Variants in TTC13 observed in about 807,000 individuals in gnomAD.
TTC13 encodes the protein tetratricopeptide repeat protein 13.
In TTC13, 62 loss-of-function variants were observed where a neutral mutation model predicts 120.0. The ratio of observed to expected loss-of-function variants is 0.52; its 90% CI spans 0.42 to 0.64. The LOEUF (loss-of-function observed/expected upper bound fraction) is 0.64. Ranked by LOEUF, TTC13 falls within the 30% of genes least tolerant of loss-of-function variation. TTC13 has a pLI of 0.00. For synonymous variants in TTC13, 384 were observed against 393.5 expected (o/e 0.98, Z 0.28); for missense variants, 824 against 1,050.2 (o/e 0.78, Z 2.98).
intron 4 of TTC13, among the ~76,000 whole-genome samples, chr1:230,949,509 G>A (rs1028097532): frequency 6.7e-6 from 1 of 150,106 alleles, no homozygotes; most frequent in African/African-American, 2.5e-5. Flanking sequence ...GATTGGATGT[G>A]TGCCCCACAC....
intron 1 of TTC13, among the ~76,000 whole-genome samples, chr1:230,965,990 T>C (rs1229679910): frequency 6.6e-6 from 1 of 152,200 alleles, no homozygotes; most frequent in Non-Finnish European, 1.5e-5. Context: ...TAGGATTATA[T>C]ATCACTTTTC....
intron 12 of TTC13, among the ~76,000 whole-genome samples, chr1:230,928,713 G>A (rs113709640): frequency 7.9e-5 from 12 of 152,266 alleles, no homozygotes; most frequent in African/African-American, 2.2e-4. Context: ...TGCTATAGGT[G>A]TTTTTTGTTT....
chr1:230,963,153 C>T (rs1676801272), intron 1 of TTC13, among the ~76,000 whole-genome samples: 1 of 152,142 alleles, frequency 6.6e-6, no homozygotes, highest in African/African-American at 2.4e-5. Flanking sequence ...AAGGAACCAT[C>T]TGAGGGAGAG....
At chr1:230,950,231 A>G (rs550213152) in intron 4 of TTC13, among the ~76,000 whole-genome samples, 1 of 152,108 alleles carries the variant, frequency 6.6e-6, no homozygotes, top group African/African-American at 2.4e-5. Context: ...CAATTTTTCA[A>G]AATATTTTTA....
At chr1:230,943,579 C>G (rs1674715858) in intron 6 of TTC13, among the ~76,000 whole-genome samples, 1 of 152,024 alleles carries the variant, frequency 6.6e-6, no homozygotes, top group African/African-American at 2.4e-5. Context: ...ATATTTTCAA[C>G]CACATATTTT....
intron 1 of TTC13, among the ~76,000 whole-genome samples, chr1:230,971,236 C>T (rs34136045): frequency 0.23 from 34,280 of 150,156 alleles, 4,221 homozygotes; most frequent in Non-Finnish European, 0.28. Context: ...GTCCCAGCTA[C>T]TCGGGAGGCT....
At chr1:230,935,045 A>G (rs981151151) in intron 8 of TTC13, among the ~76,000 whole-genome samples, 1 of 152,244 alleles carries the variant, frequency 6.6e-6, no homozygotes, top group African/African-American at 2.4e-5. Context: ...ATGGGATGAC[A>G]ATCTACTAAT....
At chr1:230,943,701 G>C in intron 6 of TTC13, 105 bp downstream of exon 6, 1 of 833,726 alleles carries the variant, frequency 1.2e-6, no homozygotes, top group Non-Finnish European at 1.8e-6. Context: ...AAAAACATAA[G>C]AGTTTTAAGG....
Position 230,916,225 on chromosome 1 carries a change from A to T in TTC13, c.2061T>A (p.Tyr687Ter). The change falls in exon 18 of 23, where the codon TAT (tyrosine) becomes TAA (stop). Residue 687 changes from tyrosine to a stop codon, truncating the protein, a stop_gained. Coordinates refer to ENST00000366661, the MANE Select transcript of TTC13 (RefSeq NM_024525.5). LOFTEE classifies it high-confidence loss of function. ...CTGTAATCGTGATTGTGAATCCATC[A>T]TATTCCTTCCCTTGGTCTTTAAGGC... ...VPSLKDQGKE[Y>*]DGFTITITGD... The T allele has an allele frequency of 6.2e-7, 1 of 1,614,054 alleles. No individual in the cohort carries two copies. The highest frequency in any genetic ancestry group is 8.5e-7 in the Non-Finnish European group (1 of 1,179,948).
In TTC13 at chr1:230,939,375, A is replaced by G; in HGVS notation, c.900+11T>C. On this transcript the variant is annotated intron_variant, in intron 8 of 22. Transcript: ENST00000366661. ...GTCATCATATGGTACACATATGCAC[A>G]ACACTTTCACCTTCAGAAGTCCTCT... 6.4e-7 allele frequency: 1 copy of G among 1,571,246 alleles called. No homozygotes were observed. The highest frequency in any genetic ancestry group is 8.7e-7 in the Non-Finnish European group (1 of 1,143,074).
At chr1:230,938,372 G>T (rs927005060) in intron 8 of TTC13, among the ~76,000 whole-genome samples, 1 of 152,146 alleles carries the variant, frequency 6.6e-6, no homozygotes, top group Admixed American at 6.5e-5. Flanking sequence ...GCAGCTCCCC[G>T]TCAGGTTCCA....
rs974964861 is a variant in TTC13 at position 230,978,692 on chromosome 1, C to T, written c.139G>A (p.Glu47Lys). The T allele has an allele frequency of 5.8e-5, 87 of 1,494,640 alleles. No individual in the cohort carries two copies. The East Asian group carries it at 8.9e-4, about 15-fold the overall frequency. 92.6% of individuals were successfully genotyped at this position (1,494,640 alleles called of 1,614,324 possible). ...AGCAGGGAGAGCGGCGAGTAGTGCT[C>T]GGTGGCCAGGGCGCCTGGCCGCAGC... ...AGLRPGALAT[E>K]HYSPLSLLKQ... The change falls in exon 1 of 23, where the codon GAG (glutamate) becomes AAG (lysine). Residue 47 changes from glutamate to lysine, a missense_variant. Coordinates refer to ENST00000366661, the MANE Select transcript of TTC13 (RefSeq NM_024525.5). The surrounding 1 kb of genome is among the most constrained non-coding windows in gnomAD (Gnocchi z 5.6).
chr1:230,954,252 T>TA (rs1484842353), intron 4 of TTC13, 81 bp downstream of exon 4: 6 of 957,118 alleles, frequency 6.3e-6, no homozygotes, highest in Non-Finnish European at 8.2e-6. Flanking sequence ...CATGTCGTAT[T>TA]ACAGCACTTC....
intron 18 of TTC13, among the ~76,000 whole-genome samples, chr1:230,914,890 T>A (rs1671868889): frequency 6.6e-6 from 1 of 152,142 alleles, no homozygotes; most frequent in African/African-American, 2.4e-5. Flanking sequence ...GGAAGGTCAA[T>A]CCACCTAACC....
In TTC13 at chr1:230,906,315, G is replaced by A. The variant is rs188906788; in HGVS notation, c.*590C>T. On this transcript the variant is annotated 3_prime_UTR_variant, in exon 23 of 23. Coordinates refer to ENST00000366661, the MANE Select transcript of TTC13 (RefSeq NM_024525.5). ...TTTTCAACAAAGGAAAAAAAAACAT[G>A]GTTCAATAATTCAGCATTTGGGACT... 26 of 152,232 alleles carry A rather than the reference G, an allele frequency of 1.7e-4. No individual in the cohort carries two copies. Among genetic ancestry groups the A allele is most frequent in the Admixed American group, 1.5e-3 (23 of 15,292 alleles). The allele number at this position is 152,232 out of a possible 1,614,324, so 9.4% of individuals were successfully genotyped here.
intron 17 of TTC13, among the ~76,000 whole-genome samples, chr1:230,919,153 T>C (rs1672327741): frequency 6.6e-6 from 1 of 152,160 alleles, no homozygotes; most frequent in Non-Finnish European, 1.5e-5. Flanking sequence ...TATACCTGGA[T>C]CATACTATCA....
chr1:230,958,372 A>G (rs1328352692), intron 2 of TTC13, 73 bp from the exon 3 acceptor site: 2 of 1,492,140 alleles, frequency 1.3e-6, no homozygotes, highest in East Asian at 4.8e-5. Flanking sequence ...TAAAATCTGT[A>G]TTTTAAAAAA....
intron 1 of TTC13, among the ~76,000 whole-genome samples, chr1:230,964,528 T>C (rs12134721): frequency 0.23 from 35,704 of 152,132 alleles, 4,880 homozygotes; most frequent in Admixed American, 0.35. Context: ...ATCACTTATA[T>C]CCTTTGCTCA....
At chr1:230,930,347 T>C (rs183667132) in intron 11 of TTC13, among the ~76,000 whole-genome samples, 125 of 152,346 alleles carry the variant, frequency 8.2e-4, no homozygotes, top group African/African-American at 1.8e-3. Context: ...ATTTTCACTT[T>C]TTTAATGTGG....
Sources: gnomAD v4.1 joint callset for allele counts (sites outside exome capture counted in the v4.1 genomes callset) on GRCh38, gnomAD v4.1.1 for gene constraint, Gnocchi (gnomAD v3.1) non-coding constraint, MANE v1.5 for transcripts, NCBI Gene and HGNC (gene_info 2026-07-23, HGNC 2026-07-21) for gene names.